Variants in PRKN observed in about 807,000 individuals in gnomAD.
The protein encoded by PRKN is parkin RBR E3 ubiquitin protein ligase, also known as E3 ubiquitin-protein ligase parkin.
PRKN carries 56 observed loss-of-function variants against 59.5 expected under a neutral mutation model. The observed-to-expected ratio is 0.94, with a 90% CI of 0.76 to 1.18. PRKN has a LOEUF of 1.18. Among genes scored for constraint, PRKN ranks in the 50% most tolerant of loss-of-function variants. The pLI is 0.00. For missense variants in PRKN, 657 were observed against 596.4 expected (o/e 1.10, Z -1.06); for synonymous variants, 250 against 222.1 (o/e 1.13, Z -1.12).
chr6:162,098,671 T>A (rs575385808), intron 4 of PRKN, among the ~76,000 whole-genome samples: 26 of 152,368 alleles, frequency 1.7e-4, no homozygotes, highest in African/African-American at 5.8e-4. Flanking sequence ...TATATTTTAC[T>A]CTTAATCTAA....
intron 3 of PRKN, among the ~76,000 whole-genome samples, chr6:162,209,971 G>C (rs5007362): frequency 0.24 from 36,233 of 151,690 alleles, 4,798 homozygotes; most frequent in South Asian, 0.44. Flanking sequence ...ATGGGGAGAG[G>C]GGGGAGGGAT....
chr6:161,514,155 G>C (rs78481333), intron 9 of PRKN, among the ~76,000 whole-genome samples: 274 of 152,018 alleles, frequency 1.8e-3, no homozygotes, highest in Non-Finnish European at 3.5e-3. Flanking sequence ...ATGACTGAAT[G>C]AATGAGAGAA....
At chr6:161,465,446 GA>G (rs1281559862) in intron 9 of PRKN, among the ~76,000 whole-genome samples, 1 of 150,600 alleles carries the variant, frequency 6.6e-6, no homozygotes, top group Non-Finnish European at 1.5e-5. Context: ...TTTGTCATCT[GA>G]AAATGTTATT....
chr6:161,880,824 C>A (rs1794907466), intron 6 of PRKN, among the ~76,000 whole-genome samples: 1 of 152,148 alleles, frequency 6.6e-6, no homozygotes, highest in South Asian at 2.1e-4. Flanking sequence ...TCCAAGACAG[C>A]CGGAAAGAGC....
chr6:161,647,270 G>C (rs1420886298), intron 7 of PRKN, among the ~76,000 whole-genome samples: 1 of 152,172 alleles, frequency 6.6e-6, no homozygotes, highest in Non-Finnish European at 1.5e-5. Flanking sequence ...ACAGTATGCA[G>C]AACATACAAA....
At chr6:161,968,551 C>T (rs1780674808) in intron 6 of PRKN, among the ~76,000 whole-genome samples, 1 of 152,024 alleles carries the variant, frequency 6.6e-6, no homozygotes, top group Non-Finnish European at 1.5e-5. Context: ...TTTTATTTCT[C>T]AGTATAAGGA....
chr6:162,488,525 T>C (rs959036301), intron 1 of PRKN, among the ~76,000 whole-genome samples: 2 of 152,042 alleles, frequency 1.3e-5, no homozygotes, highest in African/African-American at 4.8e-5. Flanking sequence ...CCTTTCCTCC[T>C]CTCTACTCAC....
intron 7 of PRKN, among the ~76,000 whole-genome samples, chr6:161,762,853 A>G (rs983455712): frequency 6.6e-6 from 1 of 152,204 alleles, no homozygotes; most frequent in African/African-American, 2.4e-5. Context: ...GAAGTTTTCA[A>G]TTATCTTTCC....
Position 161,347,993 on chromosome 6 carries a change from T to C in PRKN, c.*2106A>G, listed in dbSNP as rs920730915. 2 of 178,190 alleles carry C rather than the reference T, an allele frequency of 1.1e-5. No individual in the cohort carries two copies. The highest frequency in any genetic ancestry group is 2.4e-5 in the Non-Finnish European group (2 of 83,200). The allele number at this position is 178,190 out of a possible 1,614,324, so 11.0% of individuals were successfully genotyped here. ...ACCACCAAGAAGGGAAAGGAGACCA[T>C]GCTGGACAGCCTAATAGTCTAACAG... On this transcript the variant is annotated 3_prime_UTR_variant, in exon 12 of 12. Coordinates refer to ENST00000366898, the MANE Select transcript of PRKN (RefSeq NM_004562.3).
At chr6:161,956,663 ATC>A (rs1479873772) in intron 6 of PRKN, among the ~76,000 whole-genome samples, 15 of 152,194 alleles carry the variant, frequency 9.9e-5, no homozygotes, top group African/African-American at 3.4e-4. Context: ...CTGAATTAAA[ATC>A]TCTCTCCATA....
At chr6:162,303,122 A>T (rs994795976) in intron 2 of PRKN, among the ~76,000 whole-genome samples, 1 of 146,398 alleles carries the variant, frequency 6.8e-6, no homozygotes, top group African/African-American at 2.8e-5. Flanking sequence ...TTGTTCTGCT[A>T]TGGTGTAAAA....
intron 6 of PRKN, among the ~76,000 whole-genome samples, chr6:161,788,031 C>T (rs193013742): frequency 1.8e-4 from 27 of 152,336 alleles, no homozygotes; most frequent in East Asian, 3.9e-4. Context: ...CACGAACTCC[C>T]GCCACAGTGG....
At chr6:161,695,705 G>T (rs143229357) in intron 7 of PRKN, among the ~76,000 whole-genome samples, 1 of 152,196 alleles carries the variant, frequency 6.6e-6, no homozygotes. Context: ...AGAAGCGGCT[G>T]CTAGAGGGAA....
chr6:161,751,967 C>T (rs1004839645), intron 7 of PRKN, among the ~76,000 whole-genome samples: 6 of 152,034 alleles, frequency 3.9e-5, no homozygotes, highest in Admixed American at 2.6e-4. Context: ...GCAGGATTAG[C>T]GAGGAGGCCT....
At chr6:161,977,548 T>TTG (rs1554256841) in intron 5 of PRKN, among the ~76,000 whole-genome samples, 15 of 145,756 alleles carry the variant, frequency 1.0e-4, no homozygotes, top group African/African-American at 3.9e-4. Context: ...TTTGGTTTTT[T>TTG]TTTTTTTTTT....
chr6:161,397,285 T>C lies in PRKN; in HGVS notation c.1084-10408A>G, dbSNP rs1180737824. Reference sequence around the variant, plus strand: ...AGCTTACAGCTAAGGTGGATGTTTATAAAGCATAAAAGAGCTGAAGGACAA... The same window carrying C: ...AGCTTACAGCTAAGGTGGATGTTTACAAAGCATAAAAGAGCTGAAGGACAA... On this transcript the variant is annotated intron_variant, in intron 9 of 11. Coordinates refer to ENST00000366898, the MANE Select transcript of PRKN (RefSeq NM_004562.3). The surrounding 1 kb of genome is among the most constrained non-coding windows in gnomAD (Gnocchi z 4.2). Among the ~76,000 whole-genome samples, 1 of 152,154 alleles carries C rather than the reference T, an allele frequency of 6.6e-6. No individual in the cohort carries two copies. Among genetic ancestry groups the C allele is most frequent in the Non-Finnish European group, 1.5e-5 (1 of 68,016 alleles).
intron 6 of PRKN, among the ~76,000 whole-genome samples, chr6:161,923,672 C>G (rs2128239429): frequency 6.6e-6 from 1 of 152,134 alleles, no homozygotes. Context: ...GTTATTGTTG[C>G]TATGTAGCGT....
chr6:161,874,101 T>C (rs1422095680), intron 6 of PRKN, among the ~76,000 whole-genome samples: 9 of 76,294 alleles, frequency 1.2e-4, no homozygotes, highest in African/African-American at 4.5e-4. Flanking sequence ...ATATAATATA[T>C]ATTATATGTA....
At chr6:161,381,461 C>G (rs915166306) in intron 10 of PRKN, among the ~76,000 whole-genome samples, 1 of 152,102 alleles carries the variant, frequency 6.6e-6, no homozygotes, top group Non-Finnish European at 1.5e-5. Context: ...AGATGGTGTA[C>G]GTGAAAGTGC....
Sources: allele counts gnomAD v4.1 joint callset (sites outside exome capture counted in the v4.1 genomes callset), GRCh38; gene constraint gnomAD v4.1.1; non-coding constraint Gnocchi (gnomAD v3.1); transcripts MANE v1.5; gene names NCBI Gene and HGNC (gene_info 2026-07-23, HGNC 2026-07-21).